GALNT15: variants seen among roughly 807,000 people sequenced by gnomAD.
GALNT15 encodes UDP-GalNAc transferase T15.
GALNT15 carries 67 observed loss-of-function variants against 66.8 expected under a neutral mutation model. That is an observed-to-expected ratio of 1.00 (90% CI 0.82 to 1.23). The LOEUF (loss-of-function observed/expected upper bound fraction) is 1.23. GALNT15 is among the 50% of genes most tolerant of loss of function. GALNT15 has a pLI of 0.00. For synonymous variants in GALNT15, 313 were observed against 311.5 expected, an observed-to-expected ratio of 1.00 and a Z score of -0.05; for missense variants, 827 against 804.3, an observed-to-expected ratio of 1.03 and a Z score of -0.34.
chr3:16,236,476 G>A (rs1156865321), downstream of GALNT15, among the ~76,000 whole-genome samples: 1 of 152,370 alleles, frequency 6.6e-6, no homozygotes, highest in Middle Eastern at 3.4e-3. Flanking sequence ...TGGTTGGCCA[G>A]ATTTGGCCAA....
In GALNT15 at chr3:16,175,093, C is replaced by G. The variant is rs2124827705; in HGVS notation, c.-59C>G. 6.6e-7 allele frequency: 1 copy of G among 1,525,502 alleles called. No homozygotes were observed. Among genetic ancestry groups the G allele is most frequent in the East Asian group, 2.3e-5 (1 of 44,038 alleles). The allele number at this position is 1,525,502 out of a possible 1,614,324, so 94.5% of individuals were successfully genotyped here. On this transcript the variant is annotated 5_prime_UTR_variant, in exon 1 of 10. Coordinates refer to ENST00000339732, the MANE Select transcript of GALNT15 (RefSeq NM_054110.5). The surrounding 1 kb of genome is among the most constrained non-coding windows in gnomAD (Gnocchi z 5.6). ...GGTTCTGCTGCAAGCTTGAAGGAGC[C>G]TGGAGCGGGAGAAAGCTAACTTGAA...
At chr3:16,231,749 C>G, downstream of GALNT15, 1 of 1,409,656 alleles carries the variant, frequency 7.1e-7, no homozygotes, top group South Asian at 1.2e-5. The surrounding 1 kb of genome is among the most constrained non-coding windows in gnomAD (Gnocchi z 4.1). Flanking sequence ...TAAAATGATA[C>G]AGTCCTTCCT....
At position 16,200,686 on chromosome 3, in the gene GALNT15, C is replaced by G. The variant is rs143956414; in HGVS notation, c.774C>G (p.Asn258Lys). 6.2e-7 allele frequency: 1 copy of G among 1,609,202 alleles called. No homozygotes were observed. The highest frequency in any genetic ancestry group is 1.1e-5 in the South Asian group (1 of 90,132). ...AGGGGGTGAAGTTACTCAGGAGCAA[C>G]AAGAGGCTGGGTGCCATCAGGGCCC... Reference protein sequence around the residue: ...RLEGVKLLRSNKRLGAIRARM... With the variant: ...RLEGVKLLRSKKRLGAIRARM... The change falls in exon 3 of 10, where the codon AAC becomes AAG. Residue 258 changes from asparagine (N) to lysine (K), a missense_variant. Asn to Lys is a moderately conservative substitution (Grantham distance 94). Coordinates refer to ENST00000339732, the MANE Select transcript of GALNT15 (RefSeq NM_054110.5). This position sits in a 1 kb window ranked among gnomAD's most constrained non-coding sequence, Gnocchi z 4.4.
chr3:16,214,154 C>T (rs2063848349), intron 6 of GALNT15, among the ~76,000 whole-genome samples: 1 of 152,184 alleles, frequency 6.6e-6, no homozygotes, highest in Non-Finnish European at 1.5e-5. Flanking sequence ...CTTCGTTCCT[C>T]CAGGAAGGCA....
In GALNT15 at chr3:16,175,643, T is replaced by C. The variant is rs1175997819; in HGVS notation, c.492T>C (p.Ser164=). The C allele has an allele frequency of 6.2e-7, 1 of 1,611,836 alleles. No individual in the cohort carries two copies. The highest frequency in any genetic ancestry group is 8.5e-7 in the Non-Finnish European group (1 of 1,179,394). The change falls in exon 1 of 10, where the codon AGT becomes AGC. Residue 164 remains serine, a synonymous_variant. Coordinates refer to ENST00000339732, the MANE Select transcript of GALNT15 (RefSeq NM_054110.5). This position sits in a 1 kb window ranked among gnomAD's most constrained non-coding sequence, Gnocchi z 5.6. The stretch of plus-strand genomic sequence containing the variant: ...CACGTGGCCTCCAGGAGGCACTCAG[T>C]GCCCGCATCCCCCTCCAGAGGGCTC... ...LDPRGLQEAL[S]ARIPLQRALP... is the part of the protein sequence containing the mutation.
intron 9 of GALNT15, among the ~76,000 whole-genome samples, chr3:16,223,359 C>T (rs1013319500): frequency 6.6e-5 from 10 of 152,250 alleles, no homozygotes; most frequent in East Asian, 1.9e-4. Context: ...TATACAGAAT[C>T]GGGATCGGAA....
At chr3:16,190,865 C>T (rs1400214821) in intron 1 of GALNT15, among the ~76,000 whole-genome samples, 1 of 152,178 alleles carries the variant, frequency 6.6e-6, no homozygotes, top group Non-Finnish European at 1.5e-5. Context: ...ATTTTCAGCT[C>T]TGGTCTCCAG....
chr3:16,243,356 A>G, the GALNT15 span, among the ~76,000 whole-genome samples: 1 of 152,236 alleles, frequency 6.6e-6, no homozygotes, highest in African/African-American at 2.4e-5. Flanking sequence ...ATAAGAGCCA[A>G]CCAACAAAGG....
Position 16,198,407 on chromosome 3 carries a change from T to C in GALNT15, c.707-2212T>C, listed in dbSNP as rs184204279. Among the ~76,000 whole-genome samples, 356 of 142,932 alleles carry C rather than the reference T, an allele frequency of 2.5e-3. 41 individuals are homozygous for C. Among genetic ancestry groups the C allele is most frequent in the African/African-American group, 8.6e-3 (332 of 38,518 alleles). The allele number at this position is 142,932 out of a possible 152,430, so 93.8% of individuals were successfully genotyped here. On this transcript the variant is annotated intron_variant, in intron 2 of 9. Coordinates refer to ENST00000339732, the MANE Select transcript of GALNT15 (RefSeq NM_054110.5). ...CCAGAATCCTTTCATTCATTTTATT[T>C]CTACCAGAGCTGCTGCCAGCAGTGA...
At position 16,227,251 on chromosome 3, in the gene GALNT15, T is replaced by C; in HGVS notation, c.1774-103T>C. 2.5e-6 allele frequency: 3 copies of C among 1,196,796 alleles called. No individual in the cohort carries two copies. Among genetic ancestry groups the C allele is most frequent in the Non-Finnish European group, 3.5e-6 (3 of 854,050 alleles). The allele number at this position is 1,196,796 out of a possible 1,614,324, so 74.1% of individuals were successfully genotyped here. ...TTCCTTTCCAGGCCAGTTCACACCA[T>C]CTGTTATTCTCTTAATGATTAGCAC... On this transcript the variant is annotated intron_variant, in intron 9 of 9. Coordinates refer to ENST00000339732, the MANE Select transcript of GALNT15 (RefSeq NM_054110.5). This position sits in a 1 kb window ranked among gnomAD's most constrained non-coding sequence, Gnocchi z 4.5.
At position 16,195,859 on chromosome 3, in the gene GALNT15, C is replaced by A. The variant is rs781689420; in HGVS notation, c.639C>A (p.Ser213Arg). 4.3e-6 allele frequency: 7 copies of A among 1,614,152 alleles called. No individual in the cohort carries two copies. The highest frequency in any genetic ancestry group is 2.5e-6 in the Non-Finnish European group (3 of 1,179,996). ...CCACTCTCCTGCGGACTGTACACAG[C>A]ATCCTCGACACAGTGCCCAGGGCCT... ...AWSTLLRTVH[S>R]ILDTVPRAFL... The change falls in exon 2 of 10, where the codon AGC (serine) becomes AGA (arginine). Residue 213 changes from serine (S) to arginine (R), a missense_variant. Transcript: ENST00000339732. The surrounding 1 kb of genome is among the most constrained non-coding windows in gnomAD (Gnocchi z 4.6).
Position 16,212,747 on chromosome 3 carries a change from C to T in GALNT15, c.1376C>T (p.Ala459Val). The change falls in exon 6 of 10, where the codon GCC (alanine) becomes GTC (valine). Residue 459 changes from alanine (A) to valine (V), a missense_variant. Physicochemically the swap from Ala to Val is moderately conservative, Grantham distance 64 (BLOSUM62 0). Coordinates refer to ENST00000339732, the MANE Select transcript of GALNT15 (RefSeq NM_054110.5). The part of the protein sequence containing the change: ...KETFYKHSPE[A>V]FSLSKAEKPD... ...ACCTTCTACAAGCATAGCCCAGAGGCCTTCTCCTTGAGCAAGGTAAGGAGA... is the reference window on the plus strand; with the variant it reads ...ACCTTCTACAAGCATAGCCCAGAGGTCTTCTCCTTGAGCAAGGTAAGGAGA... 1.9e-6 allele frequency: 3 copies of T among 1,613,290 alleles called. No individual in the cohort carries two copies. Among genetic ancestry groups the T allele is most frequent in the South Asian group, 1.1e-5 (1 of 91,014 alleles).
rs1174244156 is a variant in GALNT15 at position 16,187,148 on chromosome 3, C to CA, written c.540-8611dup. Among the ~76,000 whole-genome samples the CA allele has an allele frequency of 6.6e-6, 1 of 152,002 alleles. No individual in the cohort carries two copies. The highest frequency in any genetic ancestry group is 2.4e-5 in the African/African-American group (1 of 41,378). On this transcript the variant is annotated intron_variant, in intron 1 of 9. Transcript: ENST00000339732. This position sits in a 1 kb window ranked among gnomAD's most constrained non-coding sequence, Gnocchi z 5.1. ...GCATGGTGGTGCATGCCTGTAATCC[C>CA]AGCTACTCAGGAGGCTGAGGTGGGA... is the stretch of plus-strand genomic sequence containing the variant.
intron 1 of GALNT15, among the ~76,000 whole-genome samples, chr3:16,179,663 G>A (rs78366329): frequency 7.3e-4 from 111 of 152,242 alleles, no homozygotes; most frequent in African/African-American, 2.5e-3. Flanking sequence ...CACAGAAAGC[G>A]GCCTACAGCA....
At position 16,174,962 on chromosome 3, in the gene GALNT15, G is replaced by A. The variant is rs1277416782; in HGVS notation, c.-190G>A. 1.7e-6 allele frequency: 1 copy of A among 580,310 alleles called. No individual in the cohort carries two copies. The highest frequency in any genetic ancestry group is 2.8e-5 in the East Asian group (1 of 36,038). 35.9% of individuals were successfully genotyped at this position (580,310 alleles called of 1,614,324 possible). On this transcript the variant is annotated 5_prime_UTR_variant, in exon 1 of 10. The change creates a premature stop within an existing upstream ORF in the 5' untranslated region. Transcript: ENST00000339732. This position sits in a 1 kb window ranked among gnomAD's most constrained non-coding sequence, Gnocchi z 4.7. ...ACTTGGGGTGAAACTTGGGTCCTGTGGTTTTCTGATTGTAAGTGGAAGCAG... is the reference window on the plus strand; with the variant it reads ...ACTTGGGGTGAAACTTGGGTCCTGTAGTTTTCTGATTGTAAGTGGAAGCAG...
rs766028001 is a variant in GALNT15 at position 16,212,627 on chromosome 3, A to G, written c.1256A>G (p.Tyr419Cys). The change falls in exon 6 of 10, where the codon TAC becomes TGC. Residue 419 changes from tyrosine (Y) to cysteine (C), a missense_variant. Tyr to Cys is a radical substitution (Grantham distance 194, BLOSUM62 -2). Transcript: ENST00000339732. The part of the protein sequence containing the change: ...ILPCSRVGHI[Y>C]QNQDSHSPLD... Reference sequence around the variant, plus strand: ...CCCTGCTCTCGGGTAGGACACATCTACCAAAATCAGGATTCCCATTCCCCC... The same window carrying G: ...CCCTGCTCTCGGGTAGGACACATCTGCCAAAATCAGGATTCCCATTCCCCC... 1 of 1,613,818 alleles carries G rather than the reference A, an allele frequency of 6.2e-7. No homozygotes were observed.
rs1050622899 is a variant in GALNT15, at chr3:16,188,726, T to A, written c.540-7034T>A. ...CTCTGAATTGCTGCTCAAACCCTCC[T>A]CCTAGTTCTGGTCTACCCACCCCTC... On this transcript the variant is annotated intron_variant, in intron 1 of 9. Transcript: ENST00000339732. The surrounding 1 kb of genome is among the most constrained non-coding windows in gnomAD (Gnocchi z 4.6). 1.3e-5 allele frequency among the ~76,000 whole-genome samples: 2 copies of A among 152,188 alleles called. No homozygotes were observed. The highest frequency in any genetic ancestry group is 6.5e-5 in the Admixed American group (1 of 15,282).
At position 16,227,073 on chromosome 3, in the gene GALNT15, C is replaced by T. The variant is rs114140763; in HGVS notation, c.1774-281C>T. On this transcript the variant is annotated intron_variant, in intron 9 of 9. Coordinates refer to ENST00000339732, the MANE Select transcript of GALNT15 (RefSeq NM_054110.5). This position sits in a 1 kb window ranked among gnomAD's most constrained non-coding sequence, Gnocchi z 4.5. ...AAATACAGCATAAAGACTGAACATGCTCTGGGAATTATACTAACCATAACT... is the reference window on the plus strand; with the variant it reads ...AAATACAGCATAAAGACTGAACATGTTCTGGGAATTATACTAACCATAACT... Among the ~76,000 whole-genome samples, 156 of 152,276 alleles carry T rather than the reference C, an allele frequency of 1.0e-3. No homozygotes were observed. Among genetic ancestry groups the T allele is most frequent in the African/African-American group, 3.7e-3 (155 of 41,540 alleles).
rs1190434536 is a variant in GALNT15, at chr3:16,183,334, G to A, written c.539+7644G>A. On this transcript the variant is annotated intron_variant, in intron 1 of 9. Transcript: ENST00000339732. The surrounding 1 kb of genome is among the most constrained non-coding windows in gnomAD (Gnocchi z 5.2). Reference sequence around the variant, plus strand: ...CCATTCTTCTAAGGCCTCAGCTCCAGGCTGTGTCCCAGCCCTAGCAGCCTC... The same window carrying A: ...CCATTCTTCTAAGGCCTCAGCTCCAAGCTGTGTCCCAGCCCTAGCAGCCTC... 6.6e-6 allele frequency: 1 copy of A among 152,254 alleles called. No individual in the cohort carries two copies. The highest frequency in any genetic ancestry group is 1.5e-5 in the Non-Finnish European group (1 of 68,070). The allele number at this position is 152,254 out of a possible 1,614,324, so 9.4% of individuals were successfully genotyped here.
Sources: allele counts gnomAD v4.1 joint callset (sites outside exome capture counted in the v4.1 genomes callset), GRCh38; gene constraint gnomAD v4.1.1; non-coding constraint Gnocchi (gnomAD v3.1); transcripts MANE v1.5; gene names NCBI Gene and HGNC (gene_info 2026-07-23, HGNC 2026-07-21).